The following PRRG1 variants were observed in gnomAD, a reference collection of about 807,000 sequenced individuals.
PRRG1 encodes the protein transmembrane gamma-carboxyglutamic acid protein 1.
A neutral mutation model predicts 11.8 loss-of-function variants in PRRG1; 5 were observed. That is an observed-to-expected ratio of 0.42 (90% CI 0.22 to 0.89). PRRG1 has a LOEUF of 0.89. PRRG1 is among the 40% of genes least tolerant of loss of function. The pLI is 0.28. For synonymous variants in PRRG1, 66 were observed against 60.4 expected, an observed-to-expected ratio of 1.09 and a Z score of -0.43; for missense variants, 155 against 166.1, an observed-to-expected ratio of 0.93 and a Z score of 0.37.
chrX:37,403,579 T>G (rs1401002162), intron 1 of PRRG1, among the ~76,000 whole-genome samples: 1 of 106,400 alleles, frequency 9.4e-6, no homozygotes, highest in African/African-American at 3.4e-5. Context: ...TGTATACATA[T>G]GTAACTAAGC....
Position 37,456,530 on chromosome X carries a change from T to C in PRRG1, c.*2909T>C. On this transcript the variant is annotated 3_prime_UTR_variant, in exon 4 of 4. Transcript: ENST00000378628. ...ATAGCTCTATCAGCCACAGATCTCA[T>C]GGTGGCTGTTGCATGATAATGATAG... The C allele has an allele frequency of 8.9e-6, 1 of 112,279 alleles. No homozygotes were observed. The highest frequency in any genetic ancestry group is 2.8e-4 in the East Asian group (1 of 3,608). 9.3% of individuals were successfully genotyped at this position (112,279 alleles called of 1,213,427 possible).
rs1488191697 is a variant in PRRG1 at position 37,384,969 on chromosome X, CCCAACAGAAATAGAAATATAGGCATACAT to C, written c.-41-21229_-41-21201del. ...ACAGAAATAGAAATATAGGCATACA[CCCAACAGAAATAGAAATATAGGCATACAT>C]CCAACAGAAACAGATACATAGTTTC... On this transcript the variant is annotated intron_variant, in intron 1 of 3. Coordinates refer to ENST00000378628, the MANE Select transcript of PRRG1 (RefSeq NM_001142395.2). Among the ~76,000 whole-genome samples, 3 of 111,410 alleles carry C rather than the reference CCCAACAGAAATAGAAATATAGGCATACAT, an allele frequency of 2.7e-5. No homozygotes were observed. In the Admixed American group the frequency reaches 2.9e-4, roughly 11 times the overall value.
At chrX:37,431,510 C>A (rs1932826794) in intron 3 of PRRG1, among the ~76,000 whole-genome samples, 1 of 110,825 alleles carries the variant, frequency 9.0e-6, no homozygotes, top group Non-Finnish European at 1.9e-5. Context: ...TATTGAACAT[C>A]TTTTTATGTG....
In PRRG1 at chrX:37,456,267, A is replaced by C. The variant is rs1921355473; in HGVS notation, c.*2646A>C. On this transcript the variant is annotated 3_prime_UTR_variant, in exon 4 of 4. Transcript: ENST00000378628. ...TAAGTGTAAGGGGGTCCAGAGACCA[A>C]AAGTTTTAGAGCTACAGGATTAGAC... 1 of 112,179 alleles carries C rather than the reference A, an allele frequency of 8.9e-6. No homozygotes were observed. Among genetic ancestry groups the C allele is most frequent in the Non-Finnish European group, 1.9e-5 (1 of 53,231 alleles). 9.2% of individuals were successfully genotyped at this position (112,179 alleles called of 1,213,427 possible).
chrX:37,453,724 C>G lies in PRRG1; in HGVS notation c.*103C>G. On this transcript the variant is annotated 3_prime_UTR_variant, in exon 4 of 4. Coordinates refer to ENST00000378628, the MANE Select transcript of PRRG1 (RefSeq NM_001142395.2). ...ATGTTCATTGACTTATTTTATTGGACTCTTACCGCATACCACTTCACACTT... is the reference window on the plus strand; with the variant it reads ...ATGTTCATTGACTTATTTTATTGGAGTCTTACCGCATACCACTTCACACTT... The G allele has an allele frequency of 1.2e-6, 1 of 828,586 alleles. No individual in the cohort carries two copies. Among genetic ancestry groups the G allele is most frequent in the East Asian group, 3.5e-5 (1 of 28,355 alleles). The allele number at this position is 828,586 out of a possible 1,213,427, so 68.3% of individuals were successfully genotyped here.
chrX:37,354,398 T>A (rs375674906), intron 1 of PRRG1, among the ~76,000 whole-genome samples: 4 of 107,891 alleles, frequency 3.7e-5, no homozygotes, highest in African/African-American at 1.3e-4. Context: ...TTTTTTTATT[T>A]TTTTTTTTTA....
chrX:37,354,763 G>A (rs1930187018), intron 1 of PRRG1, among the ~76,000 whole-genome samples: 1 of 111,146 alleles, frequency 9.0e-6, no homozygotes, highest in African/African-American at 3.3e-5. Context: ...GAAGATGCTT[G>A]GATTTGATGA....
chrX:37,411,990 G>A (rs1427089305), intron 2 of PRRG1, among the ~76,000 whole-genome samples: 4 of 110,870 alleles, frequency 3.6e-5, no homozygotes, highest in African/African-American at 1.3e-4. Flanking sequence ...TTTGGAAATA[G>A]GTCTTACCTA....
intron 3 of PRRG1, among the ~76,000 whole-genome samples, chrX:37,432,294 G>C (rs868983509): frequency 1.0e-5 from 1 of 95,537 alleles, no homozygotes; most frequent in African/African-American, 5.6e-5. Context: ...CACCCTGTTA[G>C]CCAGGATGGT....
chrX:37,410,471 C>T (rs1252055290), intron 2 of PRRG1, among the ~76,000 whole-genome samples: 1 of 111,764 alleles, frequency 8.9e-6, no homozygotes, highest in Non-Finnish European at 1.9e-5. Flanking sequence ...TAGGAGCTCT[C>T]TGTTGCTGTG....
chrX:37,372,881 C>T (rs868958490), intron 1 of PRRG1, among the ~76,000 whole-genome samples: 4 of 112,420 alleles, frequency 3.6e-5, no homozygotes, highest in South Asian at 3.7e-4. Flanking sequence ...AGACCAATGT[C>T]GTGGACCTTT....
intron 3 of PRRG1, among the ~76,000 whole-genome samples, chrX:37,444,271 A>G (rs782682350): frequency 8.9e-6 from 1 of 111,767 alleles, no homozygotes; most frequent in Non-Finnish European, 1.9e-5. Flanking sequence ...GATATGAGGA[A>G]GAACAAAGCG....
At chrX:37,394,424 G>A (rs534505212) in intron 1 of PRRG1, among the ~76,000 whole-genome samples, 7 of 111,636 alleles carry the variant, frequency 6.3e-5, no homozygotes, top group African/African-American at 2.3e-4. Flanking sequence ...CTTGGGGTCT[G>A]GGGAAGAGCA....
Position 37,401,710 on chromosome X carries a change from T to C in PRRG1, c.-41-4499T>C, listed in dbSNP as rs1408357156. 6.0e-4 allele frequency among the ~76,000 whole-genome samples: 67 copies of C among 111,141 alleles called. 1 individual carries two copies. The South Asian group carries it at 0.024, about 40-fold the overall frequency. The stretch of plus-strand genomic sequence containing the variant: ...AAGTCAAATTGTCCCTGTTTGCAGA[T>C]GACATGATTGTATATCTAGAAAACC... On this transcript the variant is annotated intron_variant, in intron 1 of 3. Coordinates refer to ENST00000378628, the MANE Select transcript of PRRG1 (RefSeq NM_001142395.2).
chrX:37,417,161 T>A (rs2052490158), intron 2 of PRRG1, among the ~76,000 whole-genome samples: 2 of 111,516 alleles, frequency 1.8e-5, no homozygotes, highest in Non-Finnish European at 3.8e-5. Flanking sequence ...ATTGTATGCC[T>A]CTGGTACTAC....
intron 1 of PRRG1, among the ~76,000 whole-genome samples, chrX:37,392,648 A>G (rs1205318634): frequency 5.5e-5 from 5 of 91,183 alleles, no homozygotes; most frequent in Non-Finnish European, 8.3e-5. Flanking sequence ...ACAGAGCAAG[A>G]CTCTGTCTCA....
At chrX:37,421,459 A>AC (rs1932658983) in intron 2 of PRRG1, among the ~76,000 whole-genome samples, 1 of 111,883 alleles carries the variant, frequency 8.9e-6, no homozygotes, top group Non-Finnish European at 1.9e-5. Flanking sequence ...TTTAACTCAC[A>AC]CAATTTAAGG....
intron 3 of PRRG1, among the ~76,000 whole-genome samples, chrX:37,442,659 A>T (rs1328673843): frequency 9.0e-6 from 1 of 111,453 alleles, no homozygotes; most frequent in Non-Finnish European, 1.9e-5. Flanking sequence ...TCAACTTTTC[A>T]TGAACACTTT....
chrX:37,391,986 T>G (rs1170346671), intron 1 of PRRG1, among the ~76,000 whole-genome samples: 1 of 105,921 alleles, frequency 9.4e-6, no homozygotes, highest in Non-Finnish European at 2.0e-5. Flanking sequence ...GGCTTCCTTG[T>G]TTTTTTTTTT....
Sources: allele counts gnomAD v4.1 joint callset (sites outside exome capture counted in the v4.1 genomes callset), GRCh38; gene constraint gnomAD v4.1.1; transcripts MANE v1.5; gene names NCBI Gene and HGNC (gene_info 2026-07-23, HGNC 2026-07-21).